The following CASP9 variants were observed in gnomAD, a reference collection of about 807,000 sequenced individuals.
CASP9 encodes the protein caspase 9.
A neutral mutation model predicts 43.5 loss-of-function variants in CASP9; 29 were observed. The observed-to-expected ratio is 0.67, with a 90% confidence interval of 0.50 to 0.91. CASP9 has a LOEUF of 0.91. Ranked by LOEUF, CASP9 falls within the 40% of genes least tolerant of loss-of-function variation. The probability of loss-of-function intolerance (pLI) is 0.00; values close to 1 mark genes in which losing one functional copy is unlikely to be tolerated. For synonymous variants in CASP9, 206 were observed against 211.9 expected (o/e 0.97, Z 0.24); for missense variants, 575 against 537.4 (o/e 1.07, Z -0.69).
intron 1 of CASP9, chr1:15,520,030 T>G (rs1270264457): frequency 6.6e-6 from 1 of 151,746 alleles, no homozygotes; most frequent in East Asian, 1.9e-4. Flanking sequence ...TTGAGAGGTG[T>G]CAGGATGGTG....
chr1:15,521,966 T>TAGGTAAGGCACAGACCTACA (rs1172970398), intron 1 of CASP9, among the ~76,000 whole-genome samples: 1 of 152,186 alleles, frequency 6.6e-6, no homozygotes, highest in African/African-American at 2.4e-5. Context: ...AGACCTACAG[T>TAGGTAAGGCACAGACCTACA]GCCACTGAGA....
chr1:15,510,375 G>T (rs765215324), intron 2 of CASP9, among the ~76,000 whole-genome samples: 1 of 152,164 alleles, frequency 6.6e-6, no homozygotes, highest in Non-Finnish European at 1.5e-5. Context: ...CAGCAGAAAA[G>T]CACTCACATC....
rs1570816813 is a variant in CASP9 at position 15,491,829 on chromosome 1, T to C, written c.*1114A>G. On this transcript the variant is annotated 3_prime_UTR_variant, in exon 9 of 9. Coordinates refer to ENST00000333868, the MANE Select transcript of CASP9 (RefSeq NM_001229.5). ...GCTTAAAAGACCTCAGGGTGGAGCC[T>C]TGTGGGGAAGCCCAGCGTGTCACTA... The C allele has an allele frequency of 6.2e-6, 1 of 160,774 alleles. No individual in the cohort carries two copies. Among genetic ancestry groups the C allele is most frequent in the East Asian group, 1.8e-4 (1 of 5,624 alleles). 10.0% of individuals were successfully genotyped at this position (160,774 alleles called of 1,614,324 possible). A position where few individuals can be genotyped will look rare whatever the true frequency, so the allele number is the denominator to read the frequency against.
chr1:15,505,063 C>T (rs1709468325), intron 5 of CASP9, among the ~76,000 whole-genome samples: 2 of 152,200 alleles, frequency 1.3e-5, no homozygotes, highest in South Asian at 4.1e-4. Context: ...ATCAATATCG[C>T]TTGGGAACTT....
chr1:15,522,110 A>G (rs1279178257), intron 1 of CASP9, among the ~76,000 whole-genome samples: 2 of 152,208 alleles, frequency 1.3e-5, no homozygotes, highest in African/African-American at 2.4e-5. Flanking sequence ...TTCTCCCTCA[A>G]TAACTTTATA....
intron 2 of CASP9, among the ~76,000 whole-genome samples, 178 bp from the exon 3 acceptor site, chr1:15,508,085 C>T (rs1709593546): frequency 6.6e-6 from 1 of 152,222 alleles, no homozygotes; most frequent in South Asian, 2.1e-4. Flanking sequence ...GTTAAACACA[C>T]ACCTACCCTC....
intron 2 of CASP9, among the ~76,000 whole-genome samples, chr1:15,513,465 T>C (rs1709842299): frequency 6.6e-6 from 1 of 152,178 alleles, no homozygotes; most frequent in African/African-American, 2.4e-5. Flanking sequence ...CCTTCCATTC[T>C]GAAGGAAAAG....
At chr1:15,500,906 G>A (rs1307936328) in intron 6 of CASP9, among the ~76,000 whole-genome samples, 1 of 151,882 alleles carries the variant, frequency 6.6e-6, no homozygotes, top group Non-Finnish European at 1.5e-5. Context: ...AGGAAAGAGG[G>A]GGTCAGGCGG....
chr1:15,521,375 G>A (rs567441672), intron 1 of CASP9, among the ~76,000 whole-genome samples: 2 of 151,986 alleles, frequency 1.3e-5, no homozygotes, highest in South Asian at 4.2e-4. Flanking sequence ...ATGCCTGCCC[G>A]CAGTCATCCG....
At chr1:15,510,808 A>G (rs1191876782) in intron 2 of CASP9, among the ~76,000 whole-genome samples, 3 of 152,152 alleles carry the variant, frequency 2.0e-5, no homozygotes, top group African/African-American at 7.2e-5. Context: ...CCATGGGGAC[A>G]ATAAACACAC....
Position 15,492,728 on chromosome 1 carries a change from C to T in CASP9, c.*215G>A. 2 of 631,344 alleles carry T rather than the reference C, an allele frequency of 3.2e-6. No individual in the cohort carries two copies. The highest frequency in any genetic ancestry group is 5.4e-6 in the Non-Finnish European group (2 of 371,002). The allele number at this position is 631,344 out of a possible 1,614,324, so 39.1% of individuals were successfully genotyped here. ...CACTGCTCAAGAGGCCACGTGCAATCCACGGCATTCATCTGTCCCTCTTCC... is the reference window on the plus strand; with the variant it reads ...CACTGCTCAAGAGGCCACGTGCAATTCACGGCATTCATCTGTCCCTCTTCC... On this transcript the variant is annotated 3_prime_UTR_variant, in exon 9 of 9. Coordinates refer to ENST00000333868, the MANE Select transcript of CASP9 (RefSeq NM_001229.5).
chr1:15,492,024 T>C lies in CASP9; in HGVS notation c.*919A>G, dbSNP rs1162704852. On this transcript the variant is annotated 3_prime_UTR_variant, in exon 9 of 9. Coordinates refer to ENST00000333868, the MANE Select transcript of CASP9 (RefSeq NM_001229.5). ...CCTGAGCACAGGGTTCTCACCCTTG[T>C]TGCCTTCCTGGGATGGGATAAGGAT... 1 of 152,354 alleles carries C rather than the reference T, an allele frequency of 6.6e-6. No homozygotes were observed. The highest frequency in any genetic ancestry group is 2.4e-5 in the African/African-American group (1 of 41,430). 9.4% of individuals were successfully genotyped at this position (152,354 alleles called of 1,614,324 possible). A position where few individuals can be genotyped will look rare whatever the true frequency, so the allele number is the denominator to read the frequency against.
chr1:15,501,008 T>A (rs1709308351), intron 6 of CASP9, among the ~76,000 whole-genome samples: 1 of 152,222 alleles, frequency 6.6e-6, no homozygotes, highest in Non-Finnish European at 1.5e-5. Flanking sequence ...TATGCATGGC[T>A]TGGTTCTTGG....
In CASP9 at chr1:15,492,266, A is replaced by G. The variant is rs1421352898; in HGVS notation, c.*677T>C. ...GAGCAAAATGAGGGAAGAAATAGGC[A>G]AAAGAGAGTCCATATTTGCCTCAGA... On this transcript the variant is annotated 3_prime_UTR_variant, in exon 9 of 9. Coordinates refer to ENST00000333868, the MANE Select transcript of CASP9 (RefSeq NM_001229.5). 6.6e-6 allele frequency: 1 copy of G among 152,246 alleles called. No individual in the cohort carries two copies. Among genetic ancestry groups the G allele is most frequent in the African/African-American group, 2.4e-5 (1 of 41,458 alleles). The allele number at this position is 152,246 out of a possible 1,614,324, so 9.4% of individuals were successfully genotyped here.
intron 1 of CASP9, among the ~76,000 whole-genome samples, chr1:15,523,748 T>C (rs1439378473): frequency 6.6e-6 from 1 of 152,254 alleles, no homozygotes; most frequent in Non-Finnish European, 1.5e-5. Flanking sequence ...CAATAAATAC[T>C]TGCCTCTGAC....
Position 15,507,069 on chromosome 1 carries a change from T to G in CASP9, c.460A>C (p.Ile154Leu). The change falls in exon 4 of 9, where the codon ATC becomes CTC. Residue 154 changes from isoleucine to leucine, a missense_variant. Ile to Leu is a conservative substitution (Grantham distance 5). Transcript: ENST00000333868. ...TGGCCACAGGGCTCCATGCTCAGGA[T>G]GTAAGCCTGCCAGCACAGGGACCCA... Reference protein sequence around the residue: ...SLRGNADLAYILSMEPCGHCL... With the variant: ...SLRGNADLAYLLSMEPCGHCL... 2 of 1,613,960 alleles carry G rather than the reference T, an allele frequency of 1.2e-6. No homozygotes were observed. The highest frequency in any genetic ancestry group is 1.7e-6 in the Non-Finnish European group (2 of 1,179,856).
chr1:15,498,770 GAC>G (rs1306253476), intron 6 of CASP9, among the ~76,000 whole-genome samples: 1 of 103,564 alleles, frequency 9.7e-6, no homozygotes, highest in Non-Finnish European at 1.8e-5. Flanking sequence ...TTTTTTTTGA[GAC>G]AGAGTCTCGC....
chr1:15,521,125 C>CCAG (rs1462625675), intron 1 of CASP9, among the ~76,000 whole-genome samples: 2 of 148,508 alleles, frequency 1.3e-5, no homozygotes, highest in Non-Finnish European at 3.0e-5. Context: ...GCACTGCACT[C>CCAG]CAGCCTGGGC....
chr1:15,501,994 C>T (rs1709348798), intron 6 of CASP9, among the ~76,000 whole-genome samples: 1 of 152,176 alleles, frequency 6.6e-6, no homozygotes, highest in Non-Finnish European at 1.5e-5. Flanking sequence ...AAGAGATCCT[C>T]CCACCTTGGC....
Sources: allele counts gnomAD v4.1 joint callset (sites outside exome capture counted in the v4.1 genomes callset), GRCh38; gene constraint gnomAD v4.1.1; transcripts MANE v1.5; gene names NCBI Gene and HGNC (gene_info 2026-07-23, HGNC 2026-07-21).